The following SUSD5 variants were observed in gnomAD, a reference collection of about 807,000 sequenced individuals.
SUSD5 encodes sushi domain-containing protein 5.
A neutral mutation model predicts 29.5 loss-of-function variants in SUSD5; 33 were observed. The ratio of observed to expected loss-of-function variants is 1.12; its 90% CI spans 0.85 to 1.49. The LOEUF is 1.49. Among genes scored for constraint, SUSD5 ranks in the 40% most tolerant of loss-of-function variants. The pLI, the probability that SUSD5 is intolerant of heterozygous loss-of-function variation, is 0.00. For missense variants in SUSD5, 776 were observed against 800.6 expected (o/e 0.97, Z 0.37); for synonymous variants, 308 against 325.3 (o/e 0.95, Z 0.57).
Position 33,172,638 on chromosome 3 carries a change from G to A in SUSD5, c.598+2248C>T, listed in dbSNP as rs539267159. Among the ~76,000 whole-genome samples the A allele has an allele frequency of 1.6e-4, 24 of 152,350 alleles. No individual in the cohort carries two copies. In the South Asian group the frequency reaches 2.5e-3, roughly 16 times the overall value. On this transcript the variant is annotated intron_variant, in intron 4 of 4. Transcript: ENST00000309558. ...AAAGCAACAGGAACAGAAGAAAGAT[G>A]AGGAAAGTTCTAGAACATTGCTCAA...
At chr3:33,179,905 C>A (rs901740985) in intron 3 of SUSD5, among the ~76,000 whole-genome samples, 1 of 152,122 alleles carries the variant, frequency 6.6e-6, no homozygotes, top group African/African-American at 2.4e-5. Context: ...ATTTTTATCA[C>A]CTAGTGATGT....
intron 1 of SUSD5, among the ~76,000 whole-genome samples, chr3:33,215,428 C>G (rs991094491): frequency 4.6e-5 from 7 of 151,804 alleles, no homozygotes; most frequent in Non-Finnish European, 1.0e-4. Context: ...ACAAAGCATG[C>G]CTTTTAGACT....
chr3:33,177,256 G>A lies in SUSD5; in HGVS notation c.410-2182C>T, dbSNP rs187987507. Among the ~76,000 whole-genome samples the A allele has an allele frequency of 9.2e-5, 14 of 152,296 alleles. No homozygotes were observed. In the East Asian group the frequency reaches 1.4e-3, roughly 15 times the overall value. Reference sequence around the variant, plus strand: ...ACGAGGCATAAATGGGTTAATATCCGTAAAAGTAACTTGCTGAATTTTTTA... The same window carrying A: ...ACGAGGCATAAATGGGTTAATATCCATAAAAGTAACTTGCTGAATTTTTTA... On this transcript the variant is annotated intron_variant, in intron 3 of 4. Transcript: ENST00000309558.
At chr3:33,163,599 T>G (rs1207382482) in intron 4 of SUSD5, among the ~76,000 whole-genome samples, 3 of 152,176 alleles carry the variant, frequency 2.0e-5, no homozygotes. Flanking sequence ...TGGTGGCTCA[T>G]GCTTATAATC....
At chr3:33,181,354 C>CTTTTTT (rs61087865) in intron 3 of SUSD5, among the ~76,000 whole-genome samples, 1 of 120,492 alleles carries the variant, frequency 8.3e-6, no homozygotes, top group African/African-American at 3.1e-5. Context: ...TCATTTTCAT[C>CTTTTTT]TTTTTTTTTT....
intron 3 of SUSD5, among the ~76,000 whole-genome samples, chr3:33,183,930 CTTTTTTTTT>C (rs68055129): frequency 1.6e-4 from 10 of 62,614 alleles, no homozygotes; most frequent in African/African-American, 4.5e-4. Context: ...TTATTACCCT[CTTTTTTTTT>C]TTTTTTTTTT....
intron 2 of SUSD5, among the ~76,000 whole-genome samples, chr3:33,212,656 G>A (rs1259590140): frequency 6.6e-6 from 1 of 152,162 alleles, no homozygotes; most frequent in Non-Finnish European, 1.5e-5. Flanking sequence ...CATTGGTTAG[G>A]GCTGTTGGCA....
At chr3:33,187,987 T>C (rs113649982) in intron 3 of SUSD5, among the ~76,000 whole-genome samples, 12 of 152,070 alleles carry the variant, frequency 7.9e-5, no homozygotes, top group African/African-American at 2.9e-4. Flanking sequence ...AGGACCTGGG[T>C]TTCAACCATT....
chr3:33,164,417 G>C (rs1167949735), intron 4 of SUSD5, among the ~76,000 whole-genome samples: 1 of 152,136 alleles, frequency 6.6e-6, no homozygotes, highest in Admixed American at 6.5e-5. Flanking sequence ...GATCTGTTTC[G>C]TAACAATGTG....
At chr3:33,208,478 ATC>A (rs1223553892) in intron 2 of SUSD5, among the ~76,000 whole-genome samples, 1 of 152,010 alleles carries the variant, frequency 6.6e-6, no homozygotes, top group Non-Finnish European at 1.5e-5. Flanking sequence ...TCATCTCACA[ATC>A]TCTGTTTTCT....
At chr3:33,176,863 T>C (rs1011355843) in intron 3 of SUSD5, among the ~76,000 whole-genome samples, 4 of 152,238 alleles carry the variant, frequency 2.6e-5, no homozygotes, top group African/African-American at 9.6e-5. Context: ...CTTTGCTTCA[T>C]TGTATTGCCT....
chr3:33,155,179 G>C (rs1262722951), intron 4 of SUSD5, among the ~76,000 whole-genome samples: 2 of 152,154 alleles, frequency 1.3e-5, no homozygotes, highest in Non-Finnish European at 2.9e-5. Flanking sequence ...CAACACATAT[G>C]ACCTCCAAAG....
intron 4 of SUSD5, among the ~76,000 whole-genome samples, chr3:33,162,956 T>C (rs1270001846): frequency 1.3e-5 from 2 of 148,582 alleles, no homozygotes; most frequent in Non-Finnish European, 1.5e-5. Flanking sequence ...AACTAAAAAT[T>C]CTGATGAAAT....
rs572955682 is a variant in SUSD5 at position 33,213,916 on chromosome 3, C to T, written c.290+12G>A. 1.3e-5 allele frequency: 20 copies of T among 1,579,510 alleles called. No homozygotes were observed. Among genetic ancestry groups the T allele is most frequent in the Middle Eastern group, 2.1e-4 (1 of 4,770 alleles). On this transcript the variant is annotated intron_variant, in intron 2 of 4. Coordinates refer to ENST00000309558, the MANE Select transcript of SUSD5 (RefSeq NM_015551.2). The stretch of plus-strand genomic sequence containing the variant: ...TGGGGTGAGTTGGAAAAGGAGTGCT[C>T]GCCTAACTTACCCAAGAGTACCATC...
chr3:33,194,660 C>G (rs193165045), intron 3 of SUSD5, among the ~76,000 whole-genome samples: 1 of 152,006 alleles, frequency 6.6e-6, no homozygotes, highest in African/African-American at 2.4e-5. Context: ...GCCTTGGTGA[C>G]AGTAGTTCCA....
chr3:33,186,786 G>A (rs1204238801), intron 3 of SUSD5, among the ~76,000 whole-genome samples: 1 of 152,172 alleles, frequency 6.6e-6, no homozygotes, highest in Non-Finnish European at 1.5e-5. Context: ...GATTTTGAAT[G>A]AAGAAGTGTG....
Position 33,153,150 on chromosome 3 carries a change from G to A in SUSD5, c.1482C>T (p.Thr494=), listed in dbSNP as rs2030953548. 1 of 1,613,690 alleles carries A rather than the reference G, an allele frequency of 6.2e-7. No homozygotes were observed. Among genetic ancestry groups the A allele is most frequent in the Non-Finnish European group, 8.5e-7 (1 of 1,179,860 alleles). The change falls in exon 5 of 5, where the codon ACC becomes ACT. Residue 494 remains threonine (T), a synonymous_variant. Coordinates refer to ENST00000309558, the MANE Select transcript of SUSD5 (RefSeq NM_015551.2). ...ATLSYELTSS[T]LEILTVNTVK... Reference sequence around the variant, plus strand: ...CAGTGTTCACTGTTAATATCTCCAGGGTGGAGCTGGTGAGCTCATAGGACA... The same window carrying A: ...CAGTGTTCACTGTTAATATCTCCAGAGTGGAGCTGGTGAGCTCATAGGACA...
rs1171083121 is a variant in SUSD5 at position 33,204,634 on chromosome 3, TTTGTTTTG to T, written c.409+3166_409+3173del. Reference sequence around the variant, plus strand: ...CCACACCCGGCCTGTTTTATTTTGTTTTGTTTTGTTTTGTTTTGTTTTGTTTTGTTTTT... The same window carrying T: ...CCACACCCGGCCTGTTTTATTTTGTTTTTTGTTTTGTTTTGTTTTGTTTTT... On this transcript the variant is annotated intron_variant, in intron 3 of 4. Transcript: ENST00000309558. The surrounding 1 kb of genome is among the most constrained non-coding windows in gnomAD (Gnocchi z 4.5). Among the ~76,000 whole-genome samples, 44 of 65,186 alleles carry T rather than the reference TTTGTTTTG, an allele frequency of 6.7e-4. No homozygotes were observed. The highest frequency in any genetic ancestry group is 2.4e-3 in the African/African-American group (41 of 17,052). The allele number at this position is 65,186 out of a possible 152,430, so 42.8% of individuals were successfully genotyped here.
At chr3:33,158,440 T>TG (rs548354209) in intron 4 of SUSD5, among the ~76,000 whole-genome samples, 332 of 152,242 alleles carry the variant, frequency 2.2e-3, no homozygotes, top group African/African-American at 7.9e-3. Flanking sequence ...AGCCTCTCCT[T>TG]GGTGCCCACA....
Sources: gnomAD v4.1 joint callset for allele counts (sites outside exome capture counted in the v4.1 genomes callset) on GRCh38, gnomAD v4.1.1 for gene constraint, Gnocchi (gnomAD v3.1) non-coding constraint, MANE v1.5 for transcripts, NCBI Gene and HGNC (gene_info 2026-07-23, HGNC 2026-07-21) for gene names.